The following HMG20B variants were observed in gnomAD, a reference collection of about 807,000 sequenced individuals.
The protein encoded by HMG20B is SWI/SNF-related matrix-associated actin-dependent regulator of chromatin subfamily E member 1-related.
In HMG20B, 24 loss-of-function variants were observed where a neutral mutation model predicts 41.6. That is an observed-to-expected ratio of 0.58 (90% confidence interval 0.42 to 0.81). The LOEUF (loss-of-function observed/expected upper bound fraction) is 0.81. Ranked by LOEUF, HMG20B falls within the 30% of genes least tolerant of loss-of-function variation. The pLI, the probability that HMG20B is intolerant of heterozygous loss-of-function variation, is 0.00. For missense variants in HMG20B, 461 were observed against 444.0 expected (o/e 1.04, Z -0.34); for synonymous variants, 251 against 186.6 (o/e 1.34, Z -2.81).
chr19:3,578,914 C>A lies in HMG20B; in HGVS notation c.*393C>A. On this transcript the variant is annotated 3_prime_UTR_variant, in exon 10 of 10. Transcript: ENST00000333651. ...GTGCCATAGGCCACACAGGAAGCTG[C>A]CTTGTGGGGACTTACCTGGGGTGTC... 1 of 484,732 alleles carries A rather than the reference C, an allele frequency of 2.1e-6. No homozygotes were observed. The allele number at this position is 484,732 out of a possible 1,614,324, so 30.0% of individuals were successfully genotyped here.
chr19:3,573,323 C>A lies in HMG20B; in HGVS notation c.14C>A (p.Pro5His). 6.5e-7 allele frequency: 1 copy of A among 1,533,850 alleles called. No individual in the cohort carries two copies. The highest frequency in any genetic ancestry group is 8.7e-7 in the Non-Finnish European group (1 of 1,143,092). MSHGPKQPGAAAAPA... is the reference protein window; with the variant it reads MSHGHKQPGAAAAPA... ...CCCGGAGCGGCCATGTCCCACGGCC[C>A]CAAGCAGCCCGGCGCGGCCGCCGCG... Residue 5 changes from proline (P) to histidine (H), a missense_variant, in exon 2 of 10, where the codon CCC becomes CAC. By Grantham distance (77) the Pro-to-His change is moderately conservative (BLOSUM62 -2). Around this residue, in one of 3 missense-constraint regions of HMG20B, gnomAD observed 104 missense variants for 76.5 expected, o/e 1.36. Transcript: ENST00000333651.
Position 3,576,286 on chromosome 19 carries a change from C to T in HMG20B, c.498C>T (p.Asn166=). 4 of 1,613,556 alleles carry T rather than the reference C, an allele frequency of 2.5e-6. No individual in the cohort carries two copies. Among genetic ancestry groups the T allele is most frequent in the Non-Finnish European group, 3.4e-6 (4 of 1,179,748 alleles). The change falls in exon 6 of 10, where the codon AAC becomes AAT. Residue 166 remains asparagine, a synonymous_variant. Coordinates refer to ENST00000333651, the MANE Select transcript of HMG20B (RefSeq NM_006339.3). ...AAGACTCGAGCTCTGGGCTCATGAA[C>T]ACTCTCCTGAATGGACACAAGGTAA... ...KKEDSSSGLM[N]TLLNGHKGGD...
At chr19:3,577,793 T>C (rs1354628088) in intron 8 of HMG20B, among the ~76,000 whole-genome samples, 188 bp from the exon 9 acceptor site, 3 of 132,828 alleles carry the variant, frequency 2.3e-5, no homozygotes, top group African/African-American at 8.7e-5. Context: ...GTCCCCACCC[T>C]GTCCCCGTCC....
chr19:3,577,421 C>A (rs2032194550), intron 8 of HMG20B, among the ~76,000 whole-genome samples: 1 of 149,458 alleles, frequency 6.7e-6, no homozygotes, highest in Non-Finnish European at 1.5e-5. Context: ...GCCACGACCT[C>A]TCCCGACGCG....
At chr19:3,576,334 A>G (rs764039257) in intron 6 of HMG20B, 27 bp downstream of exon 6, 1 of 1,609,206 alleles carries the variant, frequency 6.2e-7, no homozygotes, top group African/African-American at 1.3e-5. Context: ...CTCTCAAAGC[A>G]CCTGGGGGAG....
At position 3,576,600 on chromosome 19, in the gene HMG20B, T is replaced by G. The variant is rs370587589; in HGVS notation, c.567T>G (p.Thr189=). 7.4e-6 allele frequency: 12 copies of G among 1,613,446 alleles called. No homozygotes were observed. In the African/African-American group the frequency reaches 1.6e-4, roughly 22 times the overall value. Residue 189 remains threonine (T), a synonymous_variant, in exon 7 of 10, where the codon ACT becomes ACG. Transcript: ENST00000333651. ...GFSTFDVPIF[T]EEFLDQNKAR... ...CCACCTTCGATGTTCCCATCTTCAC[T>G]GAAGAGTTCTTGGACCAAAACAAAG... is the stretch of plus-strand genomic sequence containing the variant.
At chr19:3,576,658 C>T (rs1041358414) in intron 7 of HMG20B, 33 bp downstream of exon 7, 1 of 1,583,008 alleles carries the variant, frequency 6.3e-7, no homozygotes, top group African/African-American at 1.3e-5. Flanking sequence ...ATGCGAACTC[C>T]GTGAAACTGG....
intron 3 of HMG20B, 90 bp downstream of exon 3, chr19:3,573,890 G>C: frequency 8.2e-7 from 1 of 1,218,418 alleles, no homozygotes; most frequent in Non-Finnish European, 1.2e-6. Context: ...ATTGCTTGTG[G>C]CTCCGCCCAC....
At chr19:3,575,426 G>C (rs1228591639) in intron 4 of HMG20B, 114 bp from the exon 5 acceptor site, 11 of 1,492,944 alleles carry the variant, frequency 7.4e-6, no homozygotes, top group Admixed American at 2.1e-5. Context: ...GGAGGGAATA[G>C]GGAGCTATAG....
intron 8 of HMG20B, 116 bp downstream of exon 8, chr19:3,577,223 C>T (rs1272976065): frequency 6.8e-5 from 51 of 753,158 alleles, no homozygotes; most frequent in Non-Finnish European, 8.9e-5. Context: ...CGCCCCGTCC[C>T]CTCTTCCCCA....
intron 7 of HMG20B, 37 bp from the exon 8 acceptor site, chr19:3,576,855 G>A (rs1475631647): frequency 6.5e-7 from 1 of 1,547,434 alleles, no homozygotes; most frequent in Middle Eastern, 2.3e-4. Flanking sequence ...AGGGGAAAGG[G>A]GAGGCGCAGG....
Position 3,575,613 on chromosome 19 carries a change from C to T in HMG20B, c.425C>T (p.Ala142Val), listed in dbSNP as rs1383996440. The change falls in exon 5 of 10, where the codon GCC (alanine) becomes GTC (valine). Residue 142 changes from alanine (A) to valine (V), a missense_variant. By Grantham distance (64) the Ala-to-Val change is moderately conservative. Coordinates refer to ENST00000333651, the MANE Select transcript of HMG20B (RefSeq NM_006339.3). Reference protein sequence around the residue: ...KELRAYQQSEAYKMCTEKIQE... With the variant: ...KELRAYQQSEVYKMCTEKIQE... ...CTGCGGGCGTACCAGCAGTCTGAAG[C>T]CTATAAGATGTGCACGGAGAAGATC... The T allele has an allele frequency of 1.9e-6, 3 of 1,552,308 alleles. No individual in the cohort carries two copies. Among genetic ancestry groups the T allele is most frequent in the African/African-American group, 1.4e-5 (1 of 73,038 alleles).
chr19:3,575,955 A>AAG (rs1196551949), intron 5 of HMG20B: 4 of 505,008 alleles, frequency 7.9e-6, no homozygotes, highest in African/African-American at 5.9e-5. Context: ...AAAAAAAAAA[A>AAG]AAAAGAAAAA....
Position 3,578,121 on chromosome 19 carries a change from C to T in HMG20B, c.941+8C>T, listed in dbSNP as rs1416561901. 2 of 1,608,988 alleles carry T rather than the reference C, an allele frequency of 1.2e-6. No homozygotes were observed. Among genetic ancestry groups the T allele is most frequent in the South Asian group, 1.1e-5 (1 of 90,964 alleles). ...CCTGGCCCAGGTCGCCAGGTGTGTG[C>T]CGGGCGAGGCGGGGCGGGGCCGGGG... On this transcript the variant is annotated splice_region_variant and intron_variant, in intron 9 of 9. Coordinates refer to ENST00000333651, the MANE Select transcript of HMG20B (RefSeq NM_006339.3).
Position 3,579,044 on chromosome 19 carries a change from C to T in HMG20B, c.*523C>T, listed in dbSNP as rs1023728393. 1.2e-5 allele frequency: 4 copies of T among 337,886 alleles called. No homozygotes were observed. The highest frequency in any genetic ancestry group is 4.6e-5 in the South Asian group (2 of 43,498). The allele number at this position is 337,886 out of a possible 1,614,324, so 20.9% of individuals were successfully genotyped here. A position where few individuals can be genotyped will look rare whatever the true frequency, so the allele number is the denominator to read the frequency against. ...GGTGGCTCCTTCTCACTGCTGGATC[C>T]GGACTTTTTAAATAAAAACAAGTAA... On this transcript the variant is annotated 3_prime_UTR_variant, in exon 10 of 10. Coordinates refer to ENST00000333651, the MANE Select transcript of HMG20B (RefSeq NM_006339.3). This position sits in a 1 kb window ranked among gnomAD's most constrained non-coding sequence, Gnocchi z 7.4.
intron 6 of HMG20B, 75 bp from the exon 7 acceptor site, chr19:3,576,452 CACCGGGGTGTCCCAGGAGACCCTCCT>C: frequency 4.5e-6 from 6 of 1,345,498 alleles, no homozygotes; most frequent in Non-Finnish European, 6.4e-6. Context: ...ATTGTACTCC[CACCGGGGTGTCCCAGGAGACCCTCCT>C]AGGCTTGGGG....
rs1337221378 is a variant in HMG20B at position 3,573,784 on chromosome 19, G to A, written c.131G>A (p.Gly44Glu). ...RGEGPRAGEK[G>E]SHEEEPVKKR... ...GAGGGTCCACGCGCGGGCGAGAAGG[G>A]GTCCCACGAGGAGGAGGTGAGAGTC... Residue 44 changes from glycine (G) to glutamate (E), a missense_variant, in exon 3 of 10, where the codon GGG (glycine) becomes GAG (glutamate). Gly to Glu is a moderately conservative substitution (Grantham distance 98). Coordinates refer to ENST00000333651, the MANE Select transcript of HMG20B (RefSeq NM_006339.3). The A allele has an allele frequency of 6.3e-7, 1 of 1,579,016 alleles. No homozygotes were observed. Among genetic ancestry groups the A allele is most frequent in the Non-Finnish European group, 8.6e-7 (1 of 1,166,268 alleles).
intron 8 of HMG20B, 64 bp downstream of exon 8, chr19:3,577,171 C>CCTCCCT (rs1568273142): frequency 1.5e-5 from 17 of 1,142,150 alleles, no homozygotes; most frequent in Admixed American, 3.0e-5. Flanking sequence ...CTCCCCCCCC[C>CCTCCCT]TCCTCCCTTC....
In HMG20B at chr19:3,576,537, TGTCCCTTC is replaced by T; in HGVS notation, c.520-12_520-5del. On this transcript the variant is annotated splice_region_variant and splice_polypyrimidine_tract_variant and intron_variant, in intron 6 of 9. Coordinates refer to ENST00000333651, the MANE Select transcript of HMG20B (RefSeq NM_006339.3). ...TCCTACCACCAGTAAATTGCCACCT[TGTCCCTTC>T]GTCTTAGGGTGGGGACTGCGATGGC... The T allele has an allele frequency of 6.2e-7, 1 of 1,609,854 alleles. No homozygotes were observed.
Sources: allele counts gnomAD v4.1 joint callset (sites outside exome capture counted in the v4.1 genomes callset), GRCh38; gene constraint gnomAD v4.1.1; regional missense constraint gnomAD v4.1.1; non-coding constraint Gnocchi (gnomAD v3.1); transcripts MANE v1.5; gene names NCBI Gene and HGNC (gene_info 2026-07-23, HGNC 2026-07-21).